The following MYOM1 variants were observed in gnomAD, a reference collection of about 807,000 sequenced individuals.
MYOM1 encodes myomesin 1, also known as myomesin-1.
In MYOM1, 164 loss-of-function variants were observed where a neutral mutation model predicts 205.3. That is an observed-to-expected ratio of 0.80 (90% confidence interval 0.70 to 0.91). The LOEUF (loss-of-function observed/expected upper bound fraction) is 0.91, where lower values mean the gene tolerates loss of function less well. Among genes scored for constraint, MYOM1 ranks in the 40% least tolerant of loss-of-function variants. The probability of loss-of-function intolerance (pLI) is 0.00; values close to 1 mark genes in which losing one functional copy is unlikely to be tolerated. For synonymous variants in MYOM1, 772 were observed against 789.4 expected (o/e 0.98, Z 0.37); for missense variants, 2,011 against 2,127.3 (o/e 0.95, Z 1.08).
chr18:3,247,161 G>A, the MYOM1 span: 1 of 152,304 alleles, frequency 6.6e-6, no homozygotes, highest in Non-Finnish European at 1.5e-5. Flanking sequence ...AGCCACTTGT[G>A]ACCTGGGAAA....
the MYOM1 span, among the ~76,000 whole-genome samples, chr18:3,234,025 A>C: frequency 2.0e-5 from 3 of 152,320 alleles, no homozygotes; most frequent in African/African-American, 7.2e-5. Context: ...CCTCTTACCC[A>C]GAATATGACC....
chr18:3,080,439 G>T (rs912256050), intron 33 of MYOM1, among the ~76,000 whole-genome samples: 4 of 151,934 alleles, frequency 2.6e-5, no homozygotes, highest in Non-Finnish European at 5.9e-5. Flanking sequence ...TTTGGGAAGC[G>T]GAGGCAGGCG....
the MYOM1 span, among the ~76,000 whole-genome samples, chr18:3,239,710 T>C: frequency 7.6e-6 from 1 of 132,008 alleles, no homozygotes; most frequent in Non-Finnish European, 1.5e-5. Flanking sequence ...TGAGCCATGA[T>C]GGTACCACTG....
intron 36 of MYOM1, among the ~76,000 whole-genome samples, chr18:3,074,888 G>A (rs2079003223): frequency 6.6e-6 from 1 of 152,018 alleles, no homozygotes; most frequent in Non-Finnish European, 1.5e-5. Flanking sequence ...TTGGCTCACG[G>A]GTTCAAGTGA....
At chr18:3,129,546 C>T (rs577275456) in intron 17 of MYOM1, 27 bp from the exon 18 acceptor site, 38 of 1,588,906 alleles carry the variant, frequency 2.4e-5, no homozygotes, top group Non-Finnish European at 3.0e-5. Context: ...ACAACAGAAA[C>T]GCATTGAGCC....
the MYOM1 span, among the ~76,000 whole-genome samples, chr18:3,232,105 G>A: frequency 2.4e-4 from 36 of 151,652 alleles, 1 homozygote; most frequent in East Asian, 4.9e-3. Flanking sequence ...TGAGGCTGGC[G>A]GATCACCTAA....
Position 3,079,295 on chromosome 18 carries a change from C to T in MYOM1, c.4532G>A (p.Gly1511Glu), listed in dbSNP as rs1290831822. Residue 1511 changes from glycine to glutamate, a missense_variant, in exon 34 of 38, where the codon GGA (glycine) becomes GAA (glutamate). Transcript: ENST00000356443. Reference sequence around the variant, plus strand: ...GTTGATTTGTAGCCAGATCTGCTCTCCAGTGACCCCGGTCTTAACTCTGTC... The same window carrying T: ...GTTGATTTGTAGCCAGATCTGCTCTTCAGTGACCCCGGTCTTAACTCTGTC... ...YSDRVKTGVTGEQIWLQINEP... is the reference protein window; with the variant it reads ...YSDRVKTGVTEEQIWLQINEP... The T allele has an allele frequency of 6.2e-6, 10 of 1,613,926 alleles. No individual in the cohort carries two copies. In the South Asian group the frequency reaches 9.9e-5, roughly 16 times the overall value.
chr18:3,213,108 G>C (rs1253070442), intron 2 of MYOM1, among the ~76,000 whole-genome samples: 1 of 152,178 alleles, frequency 6.6e-6, no homozygotes, highest in African/African-American at 2.4e-5. Context: ...AATGATAGCT[G>C]TAGATCAGGT....
intron 37 of MYOM1, among the ~76,000 whole-genome samples, chr18:3,069,276 G>T (rs926854241): frequency 1.1e-4 from 17 of 152,138 alleles, no homozygotes; most frequent in African/African-American, 3.9e-4. Context: ...TTTCATTGTG[G>T]TTTTAATGTT....
intron 25 of MYOM1, among the ~76,000 whole-genome samples, chr18:3,094,835 A>G (rs970894683): frequency 5.3e-5 from 8 of 150,134 alleles, no homozygotes; most frequent in African/African-American, 2.0e-4. Context: ...CTAGTTTTTT[A>G]TTTTTCTTTT....
chr18:3,233,773 G>A, the MYOM1 span, among the ~76,000 whole-genome samples: 2 of 152,210 alleles, frequency 1.3e-5, no homozygotes, highest in Admixed American at 6.5e-5. Flanking sequence ...ACAGGTGGCT[G>A]GTAGAGGCAC....
At chr18:3,118,312 G>C (rs1010381347) in intron 20 of MYOM1, among the ~76,000 whole-genome samples, 2 of 151,808 alleles carry the variant, frequency 1.3e-5, no homozygotes, top group East Asian at 3.9e-4. Flanking sequence ...TCTCTAAGTT[G>C]ACAGCGCTCA....
intron 2 of MYOM1, among the ~76,000 whole-genome samples, chr18:3,202,663 GC>G (rs2081082575): frequency 6.6e-6 from 1 of 151,768 alleles, no homozygotes. Flanking sequence ...AATACATAAA[GC>G]AAAAATGACA....
intron 29 of MYOM1, among the ~76,000 whole-genome samples, chr18:3,086,739 AGGG>A (rs1488910145): frequency 8.5e-5 from 13 of 152,214 alleles, no homozygotes; most frequent in Non-Finnish European, 1.6e-4. Flanking sequence ...ATATGGTTAA[AGGG>A]ATCTTGAGTT....
chr18:3,228,893 G>A, the MYOM1 span, among the ~76,000 whole-genome samples: 1 of 152,228 alleles, frequency 6.6e-6, no homozygotes, highest in African/African-American at 2.4e-5. This position sits in a 1 kb window ranked among gnomAD's most constrained non-coding sequence, Gnocchi z 4.5. Context: ...TTGGCAAGAT[G>A]TTTTTGAGTT....
At chr18:3,183,172 G>A (rs898552355) in intron 5 of MYOM1, among the ~76,000 whole-genome samples, 1 of 152,000 alleles carries the variant, frequency 6.6e-6, no homozygotes, top group Non-Finnish European at 1.5e-5. Flanking sequence ...CAGGTCATCC[G>A]CCCGACTCGG....
At chr18:3,231,662 C>T in the MYOM1 span, among the ~76,000 whole-genome samples, 6 of 151,462 alleles carry the variant, frequency 4.0e-5, no homozygotes, top group Non-Finnish European at 8.8e-5. Flanking sequence ...GCCTCAGCCT[C>T]CCCAGTAGCT....
chr18:3,196,423 T>C (rs921672803), intron 2 of MYOM1, among the ~76,000 whole-genome samples: 3 of 152,238 alleles, frequency 2.0e-5, no homozygotes, highest in African/African-American at 7.2e-5. Flanking sequence ...ATTTAAATTT[T>C]GAAAATAAGC....
rs199610460 is a variant in MYOM1 at position 3,176,072 on chromosome 18, C to T, written c.992G>A (p.Arg331Gln). 449 of 1,605,286 alleles carry T rather than the reference C, an allele frequency of 2.8e-4. 3 individuals are homozygous for T. Among genetic ancestry groups the T allele is most frequent in the Admixed American group, 2.3e-4 (14 of 59,968 alleles). Residue 331 changes from arginine to glutamine, a missense_variant, in exon 6 of 38, where the codon CGA (arginine) becomes CAA (glutamine). Physicochemically the swap from Arg to Gln is conservative, Grantham distance 43. Transcript: ENST00000356443. ...AATCTCCAGAGTGTGCATCCCATAT[C>T]GACTCTCAATAATATACTTTCCAGG... ...ANPGKYIIES[R>Q]YGMHTLEING...
Sources: gnomAD v4.1 joint callset for allele counts (sites outside exome capture counted in the v4.1 genomes callset) on GRCh38, gnomAD v4.1.1 for gene constraint, Gnocchi (gnomAD v3.1) non-coding constraint, MANE v1.5 for transcripts, NCBI Gene and HGNC (gene_info 2026-07-23, HGNC 2026-07-21) for gene names.